ANKHD1: variants seen among roughly 807,000 people sequenced by gnomAD.
ANKHD1 encodes the protein ankyrin repeat and KH domain-containing protein 1.
ANKHD1 carries 31 observed loss-of-function variants against 230.5 expected under a neutral mutation model. The observed-to-expected ratio is 0.13, with a 90% confidence interval of 0.10 to 0.18. The LOEUF (loss-of-function observed/expected upper bound fraction) is 0.18, where lower values mean the gene tolerates loss of function less well. Ranked by LOEUF, ANKHD1 falls within the 10% of genes least tolerant of loss-of-function variation. The probability of loss-of-function intolerance (pLI) is 1.00; values close to 1 mark genes in which losing one functional copy is unlikely to be tolerated. For missense variants in ANKHD1, 2,256 were observed against 3,071.3 expected, an observed-to-expected ratio of 0.73 and a Z score of 6.27; for synonymous variants, 1,074 against 1,117.6, an observed-to-expected ratio of 0.96 and a Z score of 0.78.
intron 22 of ANKHD1, 83 bp downstream of exon 22, chr5:140,510,264 G>C: frequency 1.6e-6 from 2 of 1,264,072 alleles, no homozygotes; most frequent in South Asian, 1.8e-5. Context: ...TTATCTTGGA[G>C]AATTGAGTAT....
At chr5:140,500,829 G>A (rs1752267860) in intron 15 of ANKHD1, among the ~76,000 whole-genome samples, 2 of 151,848 alleles carry the variant, frequency 1.3e-5, no homozygotes, top group South Asian at 2.1e-4. Context: ...CTTAGACTTC[G>A]AAATTCTATT....
At chr5:140,520,143 GAA>G (rs1188452100) in intron 24 of ANKHD1, among the ~76,000 whole-genome samples, 3 of 151,974 alleles carry the variant, frequency 2.0e-5, no homozygotes, top group African/African-American at 7.3e-5. Flanking sequence ...CTTCTCAAAA[GAA>G]GACATTTATG....
intron 9 of ANKHD1, among the ~76,000 whole-genome samples, chr5:140,462,501 G>T (rs1322831544): frequency 6.6e-6 from 1 of 151,894 alleles, no homozygotes; most frequent in Non-Finnish European, 1.5e-5. Context: ...GAGGTGGGCG[G>T]ATCACAAGGT....
intron 7 of ANKHD1, among the ~76,000 whole-genome samples, chr5:140,455,848 T>G (rs1775139012): frequency 6.6e-6 from 1 of 152,134 alleles, no homozygotes; most frequent in African/African-American, 2.4e-5. Flanking sequence ...CAACATAGTG[T>G]TGGAAGTTCT....
rs1193439242 is a variant in ANKHD1, at chr5:140,491,139, C to CAT, written c.2245+4100_2245+4101dup. On this transcript the variant is annotated intron_variant, in intron 14 of 33. Coordinates refer to ENST00000360839, the MANE Select transcript of ANKHD1 (RefSeq NM_017747.3). ...ACACACATATATATATATATATACA[C>CAT]ATATATATATATATATATATATTTT... Among the ~76,000 whole-genome samples the CAT allele has an allele frequency of 4.0e-3, 226 of 56,344 alleles. 4 individuals carry two copies. Among genetic ancestry groups the CAT allele is most frequent in the Non-Finnish European group, 4.3e-3 (132 of 30,644 alleles). 37.0% of individuals were successfully genotyped at this position (56,344 alleles called of 152,430 possible).
At position 140,526,162 on chromosome 5, in the gene ANKHD1, C is replaced by T; in HGVS notation, c.4659C>T (p.Thr1553=). The change falls in exon 26 of 34, where the codon ACC becomes ACT. Residue 1553 remains threonine (T), a synonymous_variant. Transcript: ENST00000360839. ...RKNKKNKTKE[T]PPTAHLILPE... ...ATAAGAAGAACAAAACAAAAGAAAC[C>T]CCTCCTACAGCACATTTAATTTTAC... The T allele has an allele frequency of 1.2e-6, 2 of 1,613,574 alleles. No individual in the cohort carries two copies. The highest frequency in any genetic ancestry group is 1.7e-6 in the Non-Finnish European group (2 of 1,179,940).
intron 29 of ANKHD1, 64 bp downstream of exon 29, chr5:140,529,860 G>A: frequency 1.9e-6 from 3 of 1,550,858 alleles, no homozygotes; most frequent in Admixed American, 2.0e-5. Context: ...CACCTTAAGT[G>A]GACAAAAAAA....
chr5:140,505,934 C>T (rs1300553175), intron 18 of ANKHD1, 65 bp downstream of exon 18: 9 of 1,510,078 alleles, frequency 6.0e-6, no homozygotes, highest in Middle Eastern at 1.8e-4. Context: ...GCATATGATT[C>T]GTATTTTAGC....
intron 15 of ANKHD1, among the ~76,000 whole-genome samples, chr5:140,500,938 A>C (rs1752273442): frequency 1.3e-5 from 2 of 152,082 alleles, no homozygotes. Context: ...TGCCATCTTA[A>C]CAGGCTCTTA....
Position 140,528,605 on chromosome 5 carries a change from A to G in ANKHD1, c.5659A>G (p.Thr1887Ala), listed in dbSNP as rs771771743. The stretch of plus-strand genomic sequence containing the variant: ...AGGAACCTTCTCACCTTCTCCTAAC[A>G]CATGGGGACCATTCCCAGTGAGACC... ...FGGTFSPSPN[T>A]WGPFPVRPVN... The change falls in exon 29 of 34, where the codon ACA becomes GCA. Residue 1887 changes from threonine (T) to alanine (A), a missense_variant. This residue lies in a region of ANKHD1 where 778 missense variants were observed against 966.5 expected (regional missense o/e 0.80). Coordinates refer to ENST00000360839, the MANE Select transcript of ANKHD1 (RefSeq NM_017747.3). 5.0e-6 allele frequency: 8 copies of G among 1,614,072 alleles called. No homozygotes were observed. The Admixed American group carries it at 1.3e-4, about 27-fold the overall frequency.
At position 140,462,673 on chromosome 5, in the gene ANKHD1, C is replaced by G. The variant is rs977622274; in HGVS notation, c.1673-1994C>G. 2.7e-5 allele frequency among the ~76,000 whole-genome samples: 4 copies of G among 147,618 alleles called. No homozygotes were observed. In the East Asian group the frequency reaches 5.9e-4, roughly 22 times the overall value. ...CCGAGAGGCAGAGCTTGCAGTGAGC[C>G]GAGATGGTGCCACTGCACTCCAGCC... On this transcript the variant is annotated intron_variant, in intron 9 of 33. Transcript: ENST00000360839.
chr5:140,515,541 A>G (rs907147780), intron 24 of ANKHD1, among the ~76,000 whole-genome samples: 34 of 152,250 alleles, frequency 2.2e-4, no homozygotes, highest in Middle Eastern at 6.8e-3. Flanking sequence ...CTGCATTTCC[A>G]TCTGAGCTTT....
At chr5:140,415,442 T>C (rs1304342009) in intron 1 of ANKHD1, among the ~76,000 whole-genome samples, 1 of 149,004 alleles carries the variant, frequency 6.7e-6, no homozygotes, top group East Asian at 1.9e-4. Flanking sequence ...GATACCTCTT[T>C]TTTTTTTTTT....
At chr5:140,463,386 A>G (rs1222194845) in intron 9 of ANKHD1, among the ~76,000 whole-genome samples, 1 of 152,128 alleles carries the variant, frequency 6.6e-6, no homozygotes, top group Non-Finnish European at 1.5e-5. Context: ...CATCTTGTAC[A>G]GTTCCTGCTC....
intron 29 of ANKHD1, among the ~76,000 whole-genome samples, chr5:140,530,826 T>C (rs1298400873): frequency 6.6e-6 from 1 of 152,274 alleles, no homozygotes; most frequent in Non-Finnish European, 1.5e-5. Flanking sequence ...TGCCCCATAT[T>C]CCATGCTACT....
chr5:140,402,582 G>C (rs1770045703), intron 1 of ANKHD1, among the ~76,000 whole-genome samples: 1 of 152,188 alleles, frequency 6.6e-6, no homozygotes, highest in African/African-American at 2.4e-5. Flanking sequence ...GGGGGTGGGG[G>C]GCGGGGTCTT....
intron 29 of ANKHD1, among the ~76,000 whole-genome samples, 174 bp downstream of exon 29, chr5:140,529,970 C>T (rs576149886): frequency 1.3e-5 from 2 of 151,610 alleles, no homozygotes; most frequent in African/African-American, 4.8e-5. Context: ...TAGTGTAAGT[C>T]CATTTTCTTG....
At chr5:140,512,595 T>C (rs993966177) in intron 22 of ANKHD1, among the ~76,000 whole-genome samples, 1 of 152,168 alleles carries the variant, frequency 6.6e-6, no homozygotes, top group Non-Finnish European at 1.5e-5. Context: ...CACACATTCT[T>C]GTCTTTTATG....
intron 1 of ANKHD1, among the ~76,000 whole-genome samples, chr5:140,433,853 A>G (rs995351978): frequency 6.6e-6 from 1 of 152,144 alleles, no homozygotes; most frequent in African/African-American, 2.4e-5. Context: ...TGTCCTTCCA[A>G]CTGGCAGGTA....
Sources: gnomAD v4.1 joint callset for allele counts (sites outside exome capture counted in the v4.1 genomes callset) on GRCh38, gnomAD v4.1.1 for gene constraint, gnomAD v4.1.1 regional missense constraint, MANE v1.5 for transcripts, NCBI Gene and HGNC (gene_info 2026-07-23, HGNC 2026-07-21) for gene names.